RAB27A: variants seen among roughly 807,000 people sequenced by gnomAD.
RAB27A encodes the protein RAB27A, member RAS oncogene family.
A neutral mutation model predicts 20.8 loss-of-function variants in RAB27A; 17 were observed. The observed-to-expected ratio is 0.82, with a 90% confidence interval of 0.56 to 1.23. RAB27A has a LOEUF of 1.23. Ranked by LOEUF, RAB27A falls within the 50% of genes most tolerant of loss-of-function variation. RAB27A has a pLI of 0.00. For missense variants in RAB27A, 277 were observed against 266.7 expected (o/e 1.04, Z -0.27); for synonymous variants, 85 against 92.8 (o/e 0.92, Z 0.48).
At chr15:55,297,923 C>A (rs1566939645) in intron 2 of RAB27A, among the ~76,000 whole-genome samples, 1 of 152,100 alleles carries the variant, frequency 6.6e-6, no homozygotes, top group African/African-American at 2.4e-5. Flanking sequence ...CCAGTTGTGG[C>A]CAGGCACAGT....
At chr15:55,297,096 C>T (rs1046114538) in intron 2 of RAB27A, among the ~76,000 whole-genome samples, 4 of 152,182 alleles carry the variant, frequency 2.6e-5, no homozygotes, top group Non-Finnish European at 5.9e-5. Flanking sequence ...ATCGGTACAA[C>T]AGAGAAGTTC....
intron 2 of RAB27A, among the ~76,000 whole-genome samples, chr15:55,312,291 T>C (rs540064149): frequency 2.0e-5 from 3 of 152,050 alleles, no homozygotes; most frequent in African/African-American, 7.2e-5. Flanking sequence ...CCGTAACAAA[T>C]ATGGACCAGA....
At chr15:55,212,441 T>TG (rs1895070883) in intron 6 of RAB27A, among the ~76,000 whole-genome samples, 1 of 152,196 alleles carries the variant, frequency 6.6e-6, no homozygotes, top group South Asian at 2.1e-4. Flanking sequence ...TCAAAGGCTT[T>TG]GCCACTTACC....
rs184667344 is a variant in RAB27A, at chr15:55,232,504, G to A, written c.154-2018C>T. On this transcript the variant is annotated intron_variant, in intron 3 of 6. Coordinates refer to ENST00000336787, the MANE Select transcript of RAB27A (RefSeq NM_183235.3). ...ACAACGAATAGAAATTATTCCTGAGGAGGCCCAGATGTTAAACTTATTAGA... is the reference window on the plus strand; with the variant it reads ...ACAACGAATAGAAATTATTCCTGAGAAGGCCCAGATGTTAAACTTATTAGA... Among the ~76,000 whole-genome samples, 4 of 152,252 alleles carry A rather than the reference G, an allele frequency of 2.6e-5. No individual in the cohort carries two copies. In the East Asian group the frequency reaches 7.7e-4, roughly 29 times the overall value.
At chr15:55,248,885 A>T (rs943849205) in intron 2 of RAB27A, 10 of 151,208 alleles carry the variant, frequency 6.6e-5, no homozygotes, top group African/African-American at 2.5e-4. Context: ...ATATATTTAC[A>T]ACACATGTTT....
At chr15:55,251,294 G>A (rs1283269602) in intron 2 of RAB27A, among the ~76,000 whole-genome samples, 4 of 152,194 alleles carry the variant, frequency 2.6e-5, no homozygotes, top group African/African-American at 9.7e-5. Flanking sequence ...GAGAATGAAA[G>A]AAGACCATAG....
At chr15:55,263,970 A>G (rs1897366834) in intron 2 of RAB27A, among the ~76,000 whole-genome samples, 1 of 152,224 alleles carries the variant, frequency 6.6e-6, no homozygotes, top group Non-Finnish European at 1.5e-5. Context: ...ACATCGTAAG[A>G]GAATACAACA....
chr15:55,239,093 A>C (rs1407227717), intron 2 of RAB27A, among the ~76,000 whole-genome samples: 5 of 152,150 alleles, frequency 3.3e-5, no homozygotes, highest in Admixed American at 3.3e-4. Context: ...GCAGGTTCTG[A>C]CAGGCTTCTA....
chr15:55,292,145 G>A (rs2054924903), upstream of RAB27A, among the ~76,000 whole-genome samples: 1 of 152,206 alleles, frequency 6.6e-6, no homozygotes, highest in South Asian at 2.1e-4. Flanking sequence ...AGGCTGTGCG[G>A]TGAATAACCC....
chr15:55,233,315 T>C (rs1416669022), intron 3 of RAB27A, among the ~76,000 whole-genome samples: 1 of 151,990 alleles, frequency 6.6e-6, no homozygotes, highest in African/African-American at 2.4e-5. Context: ...CAAAATTAGA[T>C]TGTGAAAAAT....
At chr15:55,308,979 G>T (rs1230510945) in intron 2 of RAB27A, among the ~76,000 whole-genome samples, 3 of 152,146 alleles carry the variant, frequency 2.0e-5, no homozygotes, top group African/African-American at 7.2e-5. Flanking sequence ...ACCTGTGTAA[G>T]GACTCCTAGA....
chr15:55,245,545 A>C (rs1479478597), intron 2 of RAB27A, among the ~76,000 whole-genome samples: 1 of 152,232 alleles, frequency 6.6e-6, no homozygotes, highest in Non-Finnish European at 1.5e-5. Flanking sequence ...GTGCATTCCT[A>C]TCAGTACAGT....
intron 6 of RAB27A, among the ~76,000 whole-genome samples, chr15:55,223,003 C>CTGT (rs1038023365): frequency 6.6e-6 from 1 of 152,084 alleles, no homozygotes; most frequent in Admixed American, 6.6e-5. Context: ...GCTGCTGCTG[C>CTGT]TGCTGCTGCT....
intron 2 of RAB27A, among the ~76,000 whole-genome samples, chr15:55,241,711 G>T (rs971505643): frequency 6.7e-6 from 1 of 149,566 alleles, no homozygotes; most frequent in African/African-American, 2.5e-5. Flanking sequence ...GGGAGGCTGA[G>T]GCAGGAGGAT....
chr15:55,246,480 C>T (rs1311757609), intron 2 of RAB27A, among the ~76,000 whole-genome samples: 1 of 151,210 alleles, frequency 6.6e-6, no homozygotes, highest in African/African-American at 2.4e-5. Context: ...TTATTTGTTG[C>T]CCAAGGCTCT....
At chr15:55,260,380 A>C (rs938268591) in intron 2 of RAB27A, among the ~76,000 whole-genome samples, 1 of 152,228 alleles carries the variant, frequency 6.6e-6, no homozygotes, top group Non-Finnish European at 1.5e-5. Context: ...ACAGTTTGGC[A>C]GTTGTTTACA....
chr15:55,305,853 C>T (rs571551287), intron 2 of RAB27A, among the ~76,000 whole-genome samples: 1 of 152,188 alleles, frequency 6.6e-6, no homozygotes, highest in Non-Finnish European at 1.5e-5. Context: ...TGTAGTAGAA[C>T]TGAGTACAGG....
rs545657585 is a variant in RAB27A, at chr15:55,298,204, CAAAAAAA to C, written c.-112+15828_-112+15834del. The stretch of plus-strand genomic sequence containing the variant: ...TGGATGACAGAGCAAGACTCCGTCT[CAAAAAAA>C]AAAAAAAAAAAAGTCAGTTGTGGGC... On this transcript the variant is annotated intron_variant, in intron 2 of 5. Transcript: ENST00000563262. Among the ~76,000 whole-genome samples the C allele has an allele frequency of 4.7e-5, 3 of 63,510 alleles. No individual in the cohort carries two copies. The East Asian group carries it at 1.2e-3, about 26-fold the overall frequency. The allele number at this position is 63,510 out of a possible 152,430, so 41.7% of individuals were successfully genotyped here.
At chr15:55,318,584 C>G (rs1339694590) in intron 1 of RAB27A, among the ~76,000 whole-genome samples, 1 of 151,150 alleles carries the variant, frequency 6.6e-6, no homozygotes, top group Non-Finnish European at 1.5e-5. Context: ...CGCCTGTAGT[C>G]CCAGCTACTT....
Sources: allele counts gnomAD v4.1 joint callset (sites outside exome capture counted in the v4.1 genomes callset), GRCh38; gene constraint gnomAD v4.1.1; transcripts MANE v1.5; gene names NCBI Gene and HGNC (gene_info 2026-07-23, HGNC 2026-07-21).